The following FAM53B variants were observed in gnomAD, a reference collection of about 807,000 sequenced individuals.
FAM53B encodes protein FAM53B.
In FAM53B, 12 loss-of-function variants were observed where a neutral mutation model predicts 32.7. The ratio of observed to expected loss-of-function variants is 0.37; its 90% CI spans 0.24 to 0.59. FAM53B has a LOEUF of 0.59. Among genes scored for constraint, FAM53B ranks in the 20% least tolerant of loss-of-function variants. The pLI, the probability that FAM53B is intolerant of heterozygous loss-of-function variation, is 0.72. For missense variants in FAM53B, 477 were observed against 577.7 expected (o/e 0.83, Z 1.79); for synonymous variants, 234 against 228.7 (o/e 1.02, Z -0.21).
chr10:124,649,638 C>T (rs745467171), intron 4 of FAM53B, among the ~76,000 whole-genome samples: 1 of 152,228 alleles, frequency 6.6e-6, no homozygotes, highest in African/African-American at 2.4e-5. Context: ...TGGATAAAGG[C>T]CGCCTTCCAT....
intron 2 of FAM53B, among the ~76,000 whole-genome samples, chr10:124,701,133 A>G (rs529245164): frequency 6.6e-6 from 1 of 152,188 alleles, no homozygotes; most frequent in East Asian, 1.9e-4. Context: ...GACCCTGTGC[A>G]CTCCCACATT....
chr10:124,645,899 G>A (rs181665466), intron 4 of FAM53B, among the ~76,000 whole-genome samples: 34 of 152,204 alleles, frequency 2.2e-4, no homozygotes, highest in Admixed American at 7.8e-4. Context: ...ATGCCCTGCC[G>A]CCCAGCTCCA....
chr10:124,671,494 G>A (rs1052837161), intron 4 of FAM53B, among the ~76,000 whole-genome samples: 3 of 152,330 alleles, frequency 2.0e-5, no homozygotes, highest in South Asian at 2.1e-4. Context: ...TGGATCTAAC[G>A]GGCTGGTTTC....
At chr10:124,653,247 C>A (rs1264088867) in intron 4 of FAM53B, among the ~76,000 whole-genome samples, 1 of 152,226 alleles carries the variant, frequency 6.6e-6, no homozygotes, top group African/African-American at 2.4e-5. Context: ...TTCTCAGATG[C>A]AGCCCCAAGC....
intron 4 of FAM53B, among the ~76,000 whole-genome samples, chr10:124,628,345 G>A (rs1167706045): frequency 3.3e-5 from 5 of 152,184 alleles, no homozygotes; most frequent in Non-Finnish European, 7.4e-5. Flanking sequence ...TCTGGGAGCA[G>A]ATAGTGACCA....
chr10:124,639,676 C>T (rs1360004730), intron 4 of FAM53B, among the ~76,000 whole-genome samples: 1 of 152,086 alleles, frequency 6.6e-6, no homozygotes, highest in Non-Finnish European at 1.5e-5. Flanking sequence ...ATAGGCTTTT[C>T]CCCCCCTTTC....
intron 1 of FAM53B, among the ~76,000 whole-genome samples, chr10:124,712,980 A>C (rs1256478302): frequency 6.6e-6 from 1 of 152,206 alleles, no homozygotes; most frequent in African/African-American, 2.4e-5. Flanking sequence ...ACTTGCCAGC[A>C]TTGTGCCCAA....
At chr10:124,629,288 T>C (rs10901791) in intron 4 of FAM53B, among the ~76,000 whole-genome samples, 131,361 of 152,200 alleles carry the variant, frequency 0.86, 56,885 homozygotes, top group Admixed American at 0.91. Flanking sequence ...CTGCGCCAAG[T>C]CCGTCTCCCA....
intron 4 of FAM53B, among the ~76,000 whole-genome samples, chr10:124,637,576 C>G (rs1949441551): frequency 6.6e-6 from 1 of 152,210 alleles, no homozygotes; most frequent in Non-Finnish European, 1.5e-5. Flanking sequence ...TGGGCATGTC[C>G]CTGCTGATGT....
intron 1 of FAM53B, among the ~76,000 whole-genome samples, chr10:124,728,889 CA>C (rs1474868751): frequency 1.3e-5 from 2 of 152,168 alleles, no homozygotes; most frequent in Admixed American, 1.3e-4. Flanking sequence ...CAATTGGGGA[CA>C]AAACTAGGTG....
At chr10:124,638,140 C>A (rs1446999554) in intron 4 of FAM53B, among the ~76,000 whole-genome samples, 2 of 152,186 alleles carry the variant, frequency 1.3e-5, no homozygotes, top group African/African-American at 4.8e-5. Flanking sequence ...GAAGCTGAGG[C>A]AGGCGGATCA....
intron 3 of FAM53B, among the ~76,000 whole-genome samples, chr10:124,694,986 T>C (rs1482263439): frequency 6.6e-6 from 1 of 152,134 alleles, no homozygotes; most frequent in Non-Finnish European, 1.5e-5. Context: ...AGTTCTCCCG[T>C]ATGTGAATGA....
intron 3 of FAM53B, among the ~76,000 whole-genome samples, chr10:124,685,598 C>T (rs538625239): frequency 2.0e-4 from 30 of 152,356 alleles, no homozygotes; most frequent in African/African-American, 7.0e-4. Flanking sequence ...ACTGCGTCTC[C>T]GCCAGGCCTC....
chr10:124,723,265 A>G (rs1349117454), intron 1 of FAM53B, among the ~76,000 whole-genome samples: 1 of 152,248 alleles, frequency 6.6e-6, no homozygotes, highest in Non-Finnish European at 1.5e-5. Flanking sequence ...CTGCTGAAAC[A>G]AAGAACACAA....
At chr10:124,695,041 C>A (rs1949860391) in intron 3 of FAM53B, among the ~76,000 whole-genome samples, 1 of 152,208 alleles carries the variant, frequency 6.6e-6, no homozygotes, top group Non-Finnish European at 1.5e-5. Flanking sequence ...AGGAGCCTGG[C>A]ACAGTGCTCA....
At chr10:124,727,961 C>T (rs574926329) in intron 1 of FAM53B, among the ~76,000 whole-genome samples, 1 of 152,192 alleles carries the variant, frequency 6.6e-6, no homozygotes, top group African/African-American at 2.4e-5. Context: ...ATGAGACAAA[C>T]AAATCATGTC....
chr10:124,671,319 G>A (rs1235161325), intron 4 of FAM53B: 58 of 412,646 alleles, frequency 1.4e-4, no homozygotes, highest in South Asian at 9.2e-4. Context: ...TGGACTCCAC[G>A]CTGCCAAGCT....
At chr10:124,694,519 C>A (rs11245333) in intron 3 of FAM53B, among the ~76,000 whole-genome samples, 61,744 of 152,108 alleles carry the variant, frequency 0.41, 12,972 homozygotes, top group Admixed American at 0.48. Context: ...ACTAGAAATC[C>A]TTGAAATAAA....
intron 4 of FAM53B, among the ~76,000 whole-genome samples, chr10:124,629,442 AG>A (rs958998603): frequency 1.3e-5 from 2 of 152,076 alleles, no homozygotes; most frequent in Admixed American, 6.5e-5. Flanking sequence ...TCTGTGTTAG[AG>A]GTCTTCATGG....
Sources: allele counts gnomAD v4.1 joint callset (sites outside exome capture counted in the v4.1 genomes callset), GRCh38; gene constraint gnomAD v4.1.1; transcripts MANE v1.5; gene names NCBI Gene and HGNC (gene_info 2026-07-23, HGNC 2026-07-21).